The following MAML3 variants were observed in gnomAD, a reference collection of about 807,000 sequenced individuals.
MAML3 encodes the protein mastermind-like protein 3.
A neutral mutation model predicts 101.9 loss-of-function variants in MAML3; 27 were observed. The ratio of observed to expected loss-of-function variants is 0.27; its 90% confidence interval spans 0.20 to 0.37. The LOEUF is 0.37. MAML3 is among the 10% of genes least tolerant of loss of function. MAML3 has a pLI of 1.00. For synonymous variants in MAML3, 501 were observed against 555.9 expected (o/e 0.90, Z 1.39); for missense variants, 1,316 against 1,444.9 (o/e 0.91, Z 1.45).
intron 1 of MAML3, among the ~76,000 whole-genome samples, chr4:139,968,953 C>G (rs1734188145): frequency 6.6e-6 from 1 of 151,984 alleles, no homozygotes; most frequent in Non-Finnish European, 1.5e-5. Context: ...CCTGGAAGCA[C>G]TCAAGTGACT....
intron 2 of MAML3, among the ~76,000 whole-genome samples, chr4:139,879,226 T>C (rs1244614416): frequency 6.6e-6 from 1 of 152,124 alleles, no homozygotes; most frequent in Non-Finnish European, 1.5e-5. Flanking sequence ...TATTTCTCCA[T>C]TTGAAAATGG....
chr4:140,069,517 GAGA>G (rs1405238475), intron 1 of MAML3, among the ~76,000 whole-genome samples: 3 of 100,932 alleles, frequency 3.0e-5, no homozygotes, highest in East Asian at 3.5e-4. Context: ...GGAGAAGGAG[GAGA>G]AGGAGAAGGA....
intron 1 of MAML3, among the ~76,000 whole-genome samples, chr4:140,140,041 G>A (rs746406332): frequency 2.6e-5 from 4 of 152,108 alleles, no homozygotes; most frequent in Non-Finnish European, 4.4e-5. Context: ...TCTTTATTTG[G>A]GGCCGGACGC....
At chr4:139,810,574 G>A (rs954809778) in intron 2 of MAML3, among the ~76,000 whole-genome samples, 6 of 152,162 alleles carry the variant, frequency 3.9e-5, no homozygotes, top group African/African-American at 1.4e-4. Flanking sequence ...GAGCACAGAG[G>A]GATCTGTGAG....
Position 139,719,125 on chromosome 4 carries a change from T to G in MAML3, c.*198A>C, listed in dbSNP as rs3822043. On this transcript the variant is annotated 3_prime_UTR_variant, in exon 5 of 5. Transcript: ENST00000509479. ...GATCTGCATGGCGTCTCATCTCGAT[T>G]GCTGTGTGAAAATCAGGTGAAATGA... 484 of 594,832 alleles carry G rather than the reference T, an allele frequency of 8.1e-4. 8 individuals carry two copies. The East Asian group carries it at 0.01, about 13-fold the overall frequency. 36.8% of individuals were successfully genotyped at this position (594,832 alleles called of 1,614,324 possible). A position where few individuals can be genotyped will look rare whatever the true frequency, so the allele number is the denominator to read the frequency against.
intron 1 of MAML3, among the ~76,000 whole-genome samples, chr4:139,983,581 T>C (rs759821288): frequency 2.6e-5 from 4 of 152,206 alleles, no homozygotes; most frequent in Non-Finnish European, 4.4e-5. Context: ...CCAAAAAATA[T>C]CCGAAACCCA....
intron 1 of MAML3, among the ~76,000 whole-genome samples, chr4:140,064,484 T>G (rs1727497643): frequency 6.6e-6 from 1 of 152,216 alleles, no homozygotes; most frequent in Non-Finnish European, 1.5e-5. Context: ...GTGTAAATGT[T>G]TCTGTTGTTT....
At chr4:139,897,686 C>T (rs1044636001) in intron 1 of MAML3, among the ~76,000 whole-genome samples, 3 of 152,200 alleles carry the variant, frequency 2.0e-5, no homozygotes, top group African/African-American at 7.2e-5. Context: ...TTCTCTGCAT[C>T]GTGGCTGTGG....
intron 1 of MAML3, among the ~76,000 whole-genome samples, chr4:140,016,063 C>A (rs576861712): frequency 2.6e-5 from 4 of 152,096 alleles, no homozygotes; most frequent in African/African-American, 9.6e-5. Flanking sequence ...AAAAAAAGGA[C>A]CTCCTAAAAC....
At chr4:139,721,008 T>C (rs750756146) in intron 4 of MAML3, among the ~76,000 whole-genome samples, 2 of 152,240 alleles carry the variant, frequency 1.3e-5, no homozygotes, top group Non-Finnish European at 1.5e-5. Context: ...ATGCTCCAGA[T>C]TCTCTGAATC....
chr4:140,026,971 T>C (rs1318273271), intron 1 of MAML3, among the ~76,000 whole-genome samples: 1 of 151,996 alleles, frequency 6.6e-6, no homozygotes, highest in African/African-American at 2.4e-5. Flanking sequence ...TGTGTTTCCA[T>C]AGTACTGATC....
rs568128562 is a variant in MAML3 at position 139,862,164 on chromosome 4, G to A, written c.2079+27193C>T. On this transcript the variant is annotated intron_variant, in intron 2 of 4. Coordinates refer to ENST00000509479, the MANE Select transcript of MAML3 (RefSeq NM_018717.5). ...ACGGAGGTTGCAGTGAGCTGAGATC[G>A]TGCCATTGCACTCCAGCCTGGGCAA... 3.9e-5 allele frequency among the ~76,000 whole-genome samples: 6 copies of A among 152,250 alleles called. No homozygotes were observed. In the South Asian group the frequency reaches 1.0e-3, roughly 26 times the overall value.
chr4:139,717,821 T>G lies in MAML3; in HGVS notation c.*1502A>C, dbSNP rs969121915. Reference sequence around the variant, plus strand: ...CTTAGGACGACACCGAAGCCACAAGTCCTCCAAAAGGGGGATTGGGAGGGG... The same window carrying G: ...CTTAGGACGACACCGAAGCCACAAGGCCTCCAAAAGGGGGATTGGGAGGGG... On this transcript the variant is annotated 3_prime_UTR_variant, in exon 5 of 5. Coordinates refer to ENST00000509479, the MANE Select transcript of MAML3 (RefSeq NM_018717.5). 1.3e-5 allele frequency: 2 copies of G among 152,188 alleles called. No homozygotes were observed. Among genetic ancestry groups the G allele is most frequent in the African/African-American group, 4.8e-5 (2 of 41,414 alleles). The allele number at this position is 152,188 out of a possible 1,614,324, so 9.4% of individuals were successfully genotyped here.
In MAML3 at chr4:139,764,443, G is replaced by T. The variant is rs188671693; in HGVS notation, c.2080-33776C>A. ...GCAGAGGAGGCTACGACCTTTTCCC[G>T]AATGGCCATTAGGTCCAAGAGCCAC... On this transcript the variant is annotated intron_variant, in intron 2 of 4. Coordinates refer to ENST00000509479, the MANE Select transcript of MAML3 (RefSeq NM_018717.5). Among the ~76,000 whole-genome samples the T allele has an allele frequency of 2.4e-4, 37 of 152,308 alleles. No homozygotes were observed. The East Asian group carries it at 5.6e-3, about 23-fold the overall frequency.
At chr4:139,911,061 G>A (rs957995574) in intron 1 of MAML3, among the ~76,000 whole-genome samples, 29 of 151,900 alleles carry the variant, frequency 1.9e-4, no homozygotes, top group African/African-American at 6.1e-4. Context: ...TCCATTCCCC[G>A]GACTCTGGCA....
At chr4:140,088,380 T>A (rs1467226316) in intron 1 of MAML3, among the ~76,000 whole-genome samples, 1 of 152,180 alleles carries the variant, frequency 6.6e-6, no homozygotes, top group Non-Finnish European at 1.5e-5. Flanking sequence ...GACAGGGCTG[T>A]CCAAAAAGTC....
chr4:139,825,899 G>A (rs577724629), intron 2 of MAML3, among the ~76,000 whole-genome samples: 1 of 152,230 alleles, frequency 6.6e-6, no homozygotes, highest in Admixed American at 6.5e-5. Context: ...GGGTGTTCTG[G>A]GATGATTGCT....
intron 1 of MAML3, among the ~76,000 whole-genome samples, chr4:139,985,807 G>C (rs551654743): frequency 6.6e-6 from 1 of 152,298 alleles, no homozygotes; most frequent in Non-Finnish European, 1.5e-5. Flanking sequence ...CAGACACCAG[G>C]GAGAGTTTAA....
At chr4:140,006,180 T>C (rs1191606902) in intron 1 of MAML3, among the ~76,000 whole-genome samples, 1 of 152,088 alleles carries the variant, frequency 6.6e-6, no homozygotes, top group Non-Finnish European at 1.5e-5. Context: ...CCAAAACATA[T>C]GCTTCTGTCT....
Sources: allele counts gnomAD v4.1 joint callset (sites outside exome capture counted in the v4.1 genomes callset), GRCh38; gene constraint gnomAD v4.1.1; transcripts MANE v1.5; gene names NCBI Gene and HGNC (gene_info 2026-07-23, HGNC 2026-07-21).